Variants in FARP2 observed in about 807,000 individuals in gnomAD.
The protein encoded by FARP2 is FERM, ARHGEF and pleckstrin domain-containing protein 2.
FARP2 carries 111 observed loss-of-function variants against 130.5 expected under a neutral mutation model. The ratio of observed to expected loss-of-function variants is 0.85; its 90% confidence interval spans 0.73 to 1.00. The LOEUF (loss-of-function observed/expected upper bound fraction) is 1.00. FARP2 is among the 50% of genes least tolerant of loss of function. The pLI is 0.00. For synonymous variants in FARP2, 504 were observed against 516.9 expected (o/e 0.98, Z 0.34); for missense variants, 1,385 against 1,346.3 (o/e 1.03, Z -0.45).
intron 14 of FARP2, among the ~76,000 whole-genome samples, chr2:241,461,747 C>G (rs1275345315): frequency 6.6e-6 from 1 of 152,214 alleles, no homozygotes; most frequent in Non-Finnish European, 1.5e-5. Flanking sequence ...GGAGGTGGGG[C>G]AGGCGAGCTG....
Position 241,407,521 on chromosome 2 carries a change from A to G in FARP2, c.332-16A>G, listed in dbSNP as rs753568353. 33 of 1,608,178 alleles carry G rather than the reference A, an allele frequency of 2.1e-5. No homozygotes were observed. The highest frequency in any genetic ancestry group is 2.7e-5 in the Non-Finnish European group (32 of 1,174,928). Reference sequence around the variant, plus strand: ...AGATCGGCCTTATTTGTGAAGTTTAAATTTTTTTGTTATAGGGCCAAAGAA... The same window carrying G: ...AGATCGGCCTTATTTGTGAAGTTTAGATTTTTTTGTTATAGGGCCAAAGAA... On this transcript the variant is annotated splice_polypyrimidine_tract_variant and intron_variant, in intron 4 of 26. Transcript: ENST00000264042.
chr2:241,417,511 CAG>C (rs1357598561), intron 7 of FARP2, among the ~76,000 whole-genome samples: 3 of 152,092 alleles, frequency 2.0e-5, no homozygotes, highest in Non-Finnish European at 4.4e-5. Context: ...TTAGCAGAGA[CAG>C]GGTTTCGCCA....
intron 1 of FARP2, among the ~76,000 whole-genome samples, chr2:241,366,138 T>TATATATATATATACGTATATATATAC (rs1491421503): frequency 7.2e-6 from 1 of 138,440 alleles, no homozygotes; most frequent in African/African-American, 2.6e-5. Context: ...TATATATATA[T>TATATATATATATACGTATATATATAC]ACACACACAC....
At chr2:241,490,922 C>T in intron 22 of FARP2, 139 bp from the exon 23 acceptor site, 2 of 704,662 alleles carry the variant, frequency 2.8e-6, no homozygotes, top group Non-Finnish European at 5.2e-6. Flanking sequence ...CTGGAGGGGA[C>T]ACGTTTCCCA....
intron 18 of FARP2, among the ~76,000 whole-genome samples, chr2:241,473,249 C>T (rs1462363116): frequency 6.7e-6 from 1 of 149,552 alleles, no homozygotes; most frequent in Non-Finnish European, 1.5e-5. Context: ...CTGTGGTGAC[C>T]CTGCTCTATA....
chr2:241,481,935 A>G (rs1019799851), intron 19 of FARP2, among the ~76,000 whole-genome samples: 5 of 152,234 alleles, frequency 3.3e-5, no homozygotes, highest in African/African-American at 1.2e-4. Context: ...TGGGCCTTGC[A>G]TGAAGTAGAT....
chr2:241,373,291 G>T lies in FARP2; in HGVS notation c.183+1G>T, dbSNP rs1181465869. ...CACCATGGAAATATTTGACATTGAGGTAAGAAGCATGATTTTTGGAGGCAT... is the reference window on the plus strand; with the variant it reads ...CACCATGGAAATATTTGACATTGAGTTAAGAAGCATGATTTTTGGAGGCAT... On this transcript the variant is annotated splice_donor_variant, in intron 2 of 26. Transcript: ENST00000264042. LOFTEE classifies it high-confidence loss of function. 1.4e-6 allele frequency: 2 copies of T among 1,408,684 alleles called. No homozygotes were observed. The highest frequency in any genetic ancestry group is 1.9e-6 in the Non-Finnish European group (2 of 1,067,012). The allele number at this position is 1,408,684 out of a possible 1,614,324, so 87.3% of individuals were successfully genotyped here.
chr2:241,382,295 T>TG (rs2061681059), intron 2 of FARP2, among the ~76,000 whole-genome samples: 1 of 147,232 alleles, frequency 6.8e-6, no homozygotes, highest in Non-Finnish European at 1.5e-5. Flanking sequence ...AAAATCTATT[T>TG]TTTTTTTTTT....
intron 22 of FARP2, 122 bp downstream of exon 22, chr2:241,490,166 C>A: frequency 1.4e-6 from 1 of 705,586 alleles, no homozygotes; most frequent in East Asian, 2.6e-5. Context: ...GGTTGTGCCC[C>A]CTTTGACTCT....
chr2:241,438,875 C>T (rs1040186232), intron 12 of FARP2, among the ~76,000 whole-genome samples: 14 of 152,038 alleles, frequency 9.2e-5, no homozygotes, highest in African/African-American at 2.2e-4. Context: ...CATGATCCAC[C>T]TGCTCAGCCT....
chr2:241,397,131 C>G (rs966031054), intron 2 of FARP2, among the ~76,000 whole-genome samples: 13 of 151,986 alleles, frequency 8.6e-5, no homozygotes, highest in African/African-American at 3.1e-4. Context: ...GGGAATTGAA[C>G]AGTGAGAACA....
Position 241,493,378 on chromosome 2 carries a change from T to G in FARP2, c.2981T>G (p.Val994Gly). 1 of 1,613,938 alleles carries G rather than the reference T, an allele frequency of 6.2e-7. No homozygotes were observed. The highest frequency in any genetic ancestry group is 8.5e-7 in the Non-Finnish European group (1 of 1,179,956). ...READGIHKDY[V>G]FKLQFKSHVY... Reference sequence around the variant, plus strand: ...GCCGATGGCATACACAAAGACTATGTTTTCAAGCTCCAGTTCAAATCCCAC... The same window carrying G: ...GCCGATGGCATACACAAAGACTATGGTTTCAAGCTCCAGTTCAAATCCCAC... The change falls in exon 26 of 27, where the codon GTT (valine) becomes GGT (glycine). Residue 994 changes from valine (V) to glycine (G), a missense_variant. Val to Gly is a moderately radical substitution (Grantham distance 109, BLOSUM62 -3). Coordinates refer to ENST00000264042, the MANE Select transcript of FARP2 (RefSeq NM_014808.4).
intron 1 of FARP2, among the ~76,000 whole-genome samples, chr2:241,370,655 T>C (rs1295217132): frequency 6.6e-6 from 1 of 152,234 alleles, no homozygotes; most frequent in Non-Finnish European, 1.5e-5. Flanking sequence ...TTTATGATTC[T>C]CAGAACTTCA....
At chr2:241,400,005 C>T (rs1453320864) in intron 2 of FARP2, among the ~76,000 whole-genome samples, 5 of 152,086 alleles carry the variant, frequency 3.3e-5, no homozygotes, top group African/African-American at 7.2e-5. Context: ...TTTTTGTGCC[C>T]GTATTTACAA....
intron 4 of FARP2, 115 bp downstream of exon 4, chr2:241,404,956 T>G: frequency 1.4e-6 from 1 of 724,728 alleles, no homozygotes; most frequent in Non-Finnish European, 2.4e-6. Context: ...TAGCAAGAAG[T>G]AATCACCAAT....
chr2:241,373,172 C>T lies in FARP2; in HGVS notation c.65C>T (p.Thr22Ile), dbSNP rs2061460894. The T allele has an allele frequency of 6.4e-7, 1 of 1,570,256 alleles. No individual in the cohort carries two copies. Among genetic ancestry groups the T allele is most frequent in the Non-Finnish European group, 8.7e-7 (1 of 1,152,050 alleles). ...GCAGGGATGCGCTTGGGTGCCCAGA[C>T]CCCTGTGGGAGTTAGCACCCTTGAG... is the stretch of plus-strand genomic sequence containing the variant. ...QTAGMRLGAQ[T>I]PVGVSTLEPG... Residue 22 changes from threonine to isoleucine, a missense_variant, in exon 2 of 27, where the codon ACC becomes ATC. Coordinates refer to ENST00000264042, the MANE Select transcript of FARP2 (RefSeq NM_014808.4).
At chr2:241,464,591 CTCTCAGAACAGGGTCT>C (rs139551392) in intron 17 of FARP2, among the ~76,000 whole-genome samples, 5,030 of 152,176 alleles carry the variant, frequency 0.033, 495 homozygotes, top group Admixed American at 0.19. Context: ...AAACAGGGTC[CTCTCAGAACAGGGTCT>C]TCTCAGAATA....
intron 2 of FARP2, among the ~76,000 whole-genome samples, chr2:241,398,280 C>T (rs1230942825): frequency 6.6e-6 from 1 of 152,146 alleles, no homozygotes; most frequent in Non-Finnish European, 1.5e-5. Context: ...CTGTGCCTGT[C>T]TCAGTTATGA....
At chr2:241,469,231 C>G (rs1364108326) in intron 18 of FARP2, among the ~76,000 whole-genome samples, 1 of 151,880 alleles carries the variant, frequency 6.6e-6, no homozygotes, top group African/African-American at 2.4e-5. Flanking sequence ...GTATTACAGG[C>G]GCCCGCCACC....
Sources: allele counts gnomAD v4.1 joint callset (sites outside exome capture counted in the v4.1 genomes callset), GRCh38; gene constraint gnomAD v4.1.1; transcripts MANE v1.5; gene names NCBI Gene and HGNC (gene_info 2026-07-23, HGNC 2026-07-21).